The following GALNT17 variants were observed in gnomAD, a reference collection of about 807,000 sequenced individuals.
The protein encoded by GALNT17 is UDP-GalNAc:polypeptide N-acetylgalactosaminyltransferase-like 3.
Under a neutral mutation model 63.7 loss-of-function variants are expected in GALNT17, and 29 were observed. That is an observed-to-expected ratio of 0.46 (90% CI 0.34 to 0.62). GALNT17 has a LOEUF of 0.62. GALNT17 is among the 20% of genes least tolerant of loss of function. GALNT17 has a pLI of 0.01. For missense variants in GALNT17, 603 were observed against 799.6 expected, an observed-to-expected ratio of 0.75 and a Z score of 2.97; for synonymous variants, 305 against 318.3, an observed-to-expected ratio of 0.96 and a Z score of 0.45.
intron 9 of GALNT17, among the ~76,000 whole-genome samples, chr7:71,685,945 A>T (rs1183899822): frequency 3.9e-4 from 38 of 96,404 alleles, no homozygotes; most frequent in African/African-American, 7.0e-4. Context: ...CAAGGCAATT[A>T]CTATTTTTTT....
intron 2 of GALNT17, among the ~76,000 whole-genome samples, chr7:71,373,970 G>T (rs1792675290): frequency 6.6e-6 from 1 of 151,992 alleles, no homozygotes; most frequent in South Asian, 2.1e-4. Context: ...GTTATTTATT[G>T]TTACCTATTC....
intron 9 of GALNT17, among the ~76,000 whole-genome samples, chr7:71,695,595 T>A (rs945177075): frequency 6.6e-6 from 1 of 152,218 alleles, no homozygotes; most frequent in Non-Finnish European, 1.5e-5. Context: ...TTGCCAGGTG[T>A]GTGCACCTGT....
chr7:71,294,992 T>C (rs963463781), intron 1 of GALNT17, among the ~76,000 whole-genome samples: 1 of 152,240 alleles, frequency 6.6e-6, no homozygotes, highest in Non-Finnish European at 1.5e-5. Context: ...TGTTTTCCTA[T>C]GTAATGCTTT....
intron 1 of GALNT17, among the ~76,000 whole-genome samples, chr7:71,202,280 C>T (rs981248826): frequency 1.3e-5 from 2 of 151,626 alleles, no homozygotes; most frequent in African/African-American, 4.8e-5. Flanking sequence ...AATAATTCAT[C>T]ACACAGACAA....
chr7:71,228,928 T>C (rs955403011), intron 1 of GALNT17, among the ~76,000 whole-genome samples: 1 of 152,042 alleles, frequency 6.6e-6, no homozygotes, highest in Non-Finnish European at 1.5e-5. Context: ...CTCGGCAAAG[T>C]ACTGATTTGA....
chr7:71,149,541 C>T (rs1027359409), intron 1 of GALNT17, among the ~76,000 whole-genome samples: 19 of 152,068 alleles, frequency 1.2e-4, no homozygotes, highest in African/African-American at 4.6e-4. Flanking sequence ...TTGCAGGGAA[C>T]CCTCCTTCAC....
At chr7:71,193,454 C>CTTTTTTTT (rs1159902249) in intron 1 of GALNT17, among the ~76,000 whole-genome samples, 11 of 107,320 alleles carry the variant, frequency 1.0e-4, no homozygotes, top group African/African-American at 1.8e-4. Flanking sequence ...ACGCTTTTGT[C>CTTTTTTTT]TTTTTTTTTT....
intron 3 of GALNT17, among the ~76,000 whole-genome samples, chr7:71,408,117 G>A (rs766785832): frequency 1.3e-5 from 2 of 152,170 alleles, no homozygotes; most frequent in East Asian, 1.9e-4. Context: ...TGGGGTTTGC[G>A]TGAGAACGAC....
chr7:71,151,634 A>AG (rs1482994570), intron 1 of GALNT17, among the ~76,000 whole-genome samples: 1 of 63,404 alleles, frequency 1.6e-5, no homozygotes, highest in Non-Finnish European at 3.9e-5. Flanking sequence ...AAAAGAAAAG[A>AG]AAAAAAAAAA....
At chr7:71,244,190 C>T (rs890203866) in intron 1 of GALNT17, among the ~76,000 whole-genome samples, 1 of 152,206 alleles carries the variant, frequency 6.6e-6, no homozygotes, top group Non-Finnish European at 1.5e-5. Context: ...GCTGCACAGG[C>T]ACCTCCTGAA....
chr7:71,595,692 C>T (rs2116925171), intron 6 of GALNT17, among the ~76,000 whole-genome samples: 1 of 151,890 alleles, frequency 6.6e-6, no homozygotes, highest in South Asian at 2.1e-4. Flanking sequence ...CACACACACA[C>T]ACACACACAC....
intron 1 of GALNT17, among the ~76,000 whole-genome samples, chr7:71,268,575 A>AT (rs1790532435): frequency 6.6e-6 from 1 of 150,540 alleles, no homozygotes; most frequent in African/African-American, 2.4e-5. Context: ...AAATAAATAA[A>AT]TAAATAAATA....
chr7:71,145,240 A>G (rs1200828715), intron 1 of GALNT17, among the ~76,000 whole-genome samples: 1 of 152,134 alleles, frequency 6.6e-6, no homozygotes, highest in Non-Finnish European at 1.5e-5. Context: ...TGAACGCTTC[A>G]TGTTTACCTT....
intron 5 of GALNT17, among the ~76,000 whole-genome samples, chr7:71,463,660 T>A (rs1240367503): frequency 6.6e-6 from 1 of 152,176 alleles, no homozygotes; most frequent in Non-Finnish European, 1.5e-5. Flanking sequence ...CTCATGAGTT[T>A]TCTGGGAAAG....
chr7:71,308,573 C>A (rs894603821), intron 1 of GALNT17, among the ~76,000 whole-genome samples: 1 of 152,016 alleles, frequency 6.6e-6, no homozygotes, highest in Non-Finnish European at 1.5e-5. Context: ...TGTCTGTCCC[C>A]CTGGCTAGAT....
Position 71,687,656 on chromosome 7 carries a change from G to A in GALNT17, c.1500+10350G>A, listed in dbSNP as rs190046299. ...AACCCAATTCCTAGAAATCACCATG[G>A]GGGTCAAATCAGGGGATCTGTAGAC... On this transcript the variant is annotated intron_variant, in intron 9 of 10. Transcript: ENST00000333538. Among the ~76,000 whole-genome samples the A allele has an allele frequency of 1.6e-4, 24 of 152,252 alleles. No individual in the cohort carries two copies. The East Asian group carries it at 4.2e-3, about 27-fold the overall frequency.
At chr7:71,245,848 G>GTTTTTTTTTTT (rs542136452) in intron 1 of GALNT17, among the ~76,000 whole-genome samples, 8 of 122,872 alleles carry the variant, frequency 6.5e-5, no homozygotes, top group Admixed American at 3.3e-4. Flanking sequence ...AAGAGAGCAG[G>GTTTTTTTTTTT]TTTTTTTTTT....
intron 1 of GALNT17, among the ~76,000 whole-genome samples, chr7:71,212,861 G>T (rs1789408035): frequency 6.6e-6 from 1 of 152,180 alleles, no homozygotes; most frequent in African/African-American, 2.4e-5. Context: ...TACCCCCATT[G>T]TATCTAGGAA....
At chr7:71,520,591 G>A (rs1372938941) in intron 5 of GALNT17, among the ~76,000 whole-genome samples, 2 of 152,156 alleles carry the variant, frequency 1.3e-5, no homozygotes, top group African/African-American at 4.8e-5. Flanking sequence ...GGCAGGCAAA[G>A]GAGGTAGGAA....
Sources: allele counts gnomAD v4.1 joint callset (sites outside exome capture counted in the v4.1 genomes callset), GRCh38; gene constraint gnomAD v4.1.1; transcripts MANE v1.5; gene names NCBI Gene and HGNC (gene_info 2026-07-23, HGNC 2026-07-21).